The following PCDHGA5 variants were observed in gnomAD, a reference collection of about 807,000 sequenced individuals.
PCDHGA5 encodes protocadherin gamma subfamily A, 5.
PCDHGA5 carries 36 observed loss-of-function variants against 56.7 expected under a neutral mutation model. The observed-to-expected ratio is 0.64, with a 90% CI of 0.49 to 0.84. The LOEUF is 0.84. PCDHGA5 is among the 40% of genes least tolerant of loss of function. The pLI, the probability that PCDHGA5 is intolerant of heterozygous loss-of-function variation, is 0.00. For missense variants in PCDHGA5, 1,305 were observed against 1,201.5 expected (o/e 1.09, Z -1.27); for synonymous variants, 563 against 520.2 (o/e 1.08, Z -1.12).
At position 141,422,099 on chromosome 5, in the gene PCDHGA5, A is replaced by G. The variant is rs374091819; in HGVS notation, c.2421+55348A>G. ...CGGAACATGGAAAGCAAGGCTTCTG[A>G]AATATTCCAATTGGATTCACAAACT... On this transcript the variant is annotated intron_variant, in intron 1 of 3. Transcript: ENST00000518069. 1.9e-6 allele frequency: 3 copies of G among 1,609,706 alleles called. No homozygotes were observed. The African/African-American group carries it at 4.0e-5, about 22-fold the overall frequency.
Position 141,432,229 on chromosome 5 carries a change from C to T in PCDHGA5, c.2422-62578C>T, listed in dbSNP as rs1246285803. Reference sequence around the variant, plus strand: ...AAGAGAACGCCCAGATCACTTATTCCCTGGCTGAGAACACCATCCAAGGGG... The same window carrying T: ...AAGAGAACGCCCAGATCACTTATTCTCTGGCTGAGAACACCATCCAAGGGG... On this transcript the variant is annotated intron_variant, in intron 1 of 3. Coordinates refer to ENST00000518069, the MANE Select transcript of PCDHGA5 (RefSeq NM_018918.3). The surrounding 1 kb of genome is among the most constrained non-coding windows in gnomAD (Gnocchi z 6.0). The T allele has an allele frequency of 6.2e-7, 1 of 1,614,232 alleles. No homozygotes were observed.
chr5:141,419,551 C>T lies in PCDHGA5; in HGVS notation c.2421+52800C>T, dbSNP rs772468979. Reference sequence around the variant, plus strand: ...ACGACAACGCACCGCGGGTGCTGTACCCTGCGCTGGGTCCCGACGGCTCCG... The same window carrying T: ...ACGACAACGCACCGCGGGTGCTGTATCCTGCGCTGGGTCCCGACGGCTCCG... On this transcript the variant is annotated intron_variant, in intron 1 of 3. Transcript: ENST00000518069. 7 of 1,611,916 alleles carry T rather than the reference C, an allele frequency of 4.3e-6. No individual in the cohort carries two copies. The Admixed American group carries it at 1.2e-4, about 27-fold the overall frequency.
At chr5:141,438,883 C>T (rs1026043786) in intron 1 of PCDHGA5, among the ~76,000 whole-genome samples, 4 of 151,728 alleles carry the variant, frequency 2.6e-5, no homozygotes, top group Non-Finnish European at 5.9e-5. Context: ...CCAGGCTGCT[C>T]TTGAACTCCT....
intron 1 of PCDHGA5, chr5:141,433,307 C>T (rs982853368): frequency 2.2e-6 from 2 of 913,640 alleles, no homozygotes; most frequent in Admixed American, 2.7e-5. Context: ...AATTATCCCA[C>T]CTTTGCCTCC....
rs980122657 is a variant in PCDHGA5, at chr5:141,511,379, C to G, written c.*206C>G. The G allele has an allele frequency of 2.9e-5, 34 of 1,169,842 alleles. No individual in the cohort carries two copies. The highest frequency in any genetic ancestry group is 3.9e-5 in the Non-Finnish European group (33 of 853,834). The allele number at this position is 1,169,842 out of a possible 1,614,324, so 72.5% of individuals were successfully genotyped here. ...GGGGGTTGAATATGCAAAAGCAGTT[C>G]CGCTGGGAACCCCCATCCAATCAAC... On this transcript the variant is annotated 3_prime_UTR_variant, in exon 4 of 4. Transcript: ENST00000518069.
intron 2 of PCDHGA5, among the ~76,000 whole-genome samples, chr5:141,504,128 G>A (rs914138294): frequency 2.6e-5 from 4 of 151,992 alleles, no homozygotes; most frequent in African/African-American, 9.7e-5. Context: ...GCTGTTTCCC[G>A]CCAACACTCC....
At chr5:141,438,591 CATATATATATATATATATATAT>C (rs946798767) in intron 1 of PCDHGA5, among the ~76,000 whole-genome samples, 1 of 75,562 alleles carries the variant, frequency 1.3e-5, no homozygotes, top group Middle Eastern at 7.4e-3. Context: ...TACATACATA[CATATATATATATATATATATAT>C]ATATATATAT....
Position 141,489,089 on chromosome 5 carries a change from A to T in PCDHGA5, c.2422-5718A>T, listed in dbSNP as rs1214993065. The T allele has an allele frequency of 7.4e-5, 21 of 284,398 alleles. No homozygotes were observed. Among genetic ancestry groups the T allele is most frequent in the East Asian group, 1.1e-4 (2 of 17,560 alleles). The allele number at this position is 284,398 out of a possible 1,614,324, so 17.6% of individuals were successfully genotyped here. On this transcript the variant is annotated intron_variant, in intron 1 of 3. Coordinates refer to ENST00000518069, the MANE Select transcript of PCDHGA5 (RefSeq NM_018918.3). This position sits in a 1 kb window ranked among gnomAD's most constrained non-coding sequence, Gnocchi z 4.5. ...CCCTGCCCACCCCCGCCACTCGGTGACTAAGAACTGCTGCAAGCAGGCAAA... is the reference window on the plus strand; with the variant it reads ...CCCTGCCCACCCCCGCCACTCGGTGTCTAAGAACTGCTGCAAGCAGGCAAA...
At chr5:141,455,041 T>C (rs971722465) in intron 1 of PCDHGA5, among the ~76,000 whole-genome samples, 2 of 151,234 alleles carry the variant, frequency 1.3e-5, no homozygotes, top group Non-Finnish European at 2.9e-5. Flanking sequence ...CTCGATCTCC[T>C]GACCTCGTGA....
intron 1 of PCDHGA5, chr5:141,385,214 A>C: frequency 6.2e-7 from 1 of 1,614,200 alleles, no homozygotes; most frequent in Non-Finnish European, 8.5e-7. Flanking sequence ...ATCTTCCCCC[A>C]GCCCAACTAT....
chr5:141,388,708 C>A lies in PCDHGA5; in HGVS notation c.2421+21957C>A, dbSNP rs764003797. On this transcript the variant is annotated intron_variant, in intron 1 of 3. Transcript: ENST00000518069. ...ACGGACCAGGATGAGGGTGTCAATG[C>A]CGAGATTACTTTCTCTTTCAGTGAA... 1.9e-6 allele frequency: 3 copies of A among 1,613,842 alleles called. No individual in the cohort carries two copies. The highest frequency in any genetic ancestry group is 2.5e-6 in the Non-Finnish European group (3 of 1,179,882).
intron 1 of PCDHGA5, among the ~76,000 whole-genome samples, chr5:141,450,005 T>A (rs1439257597): frequency 1.0e-5 from 1 of 99,604 alleles, no homozygotes; most frequent in Non-Finnish European, 1.8e-5. Context: ...TTGCCATGTC[T>A]CTTTTTTTTT....
chr5:141,422,938 G>A (rs1226350240), intron 1 of PCDHGA5: 2 of 1,614,116 alleles, frequency 1.2e-6, no homozygotes, highest in Non-Finnish European at 1.7e-6. Flanking sequence ...CCTCCCCACA[G>A]ACGGCTCCAC....
chr5:141,506,645 A>G (rs1229614297), intron 3 of PCDHGA5, among the ~76,000 whole-genome samples: 3 of 152,188 alleles, frequency 2.0e-5, no homozygotes, highest in African/African-American at 7.2e-5. Context: ...CCCTCAGCAC[A>G]GGATTGGCAG....
intron 1 of PCDHGA5, chr5:141,371,657 G>T: frequency 6.2e-7 from 1 of 1,613,988 alleles, no homozygotes; most frequent in Non-Finnish European, 8.5e-7. Context: ...ACAATGTGAC[G>T]ATCACAGCTA....
chr5:141,409,805 C>T lies in PCDHGA5; in HGVS notation c.2421+43054C>T, dbSNP rs751397816. 8 of 1,611,512 alleles carry T rather than the reference C, an allele frequency of 5.0e-6. No individual in the cohort carries two copies. The African/African-American group carries it at 5.3e-5, about 11-fold the overall frequency. ...CGCCTTCGCGCTCACGCTGCAGGCC[C>T]GCGACCACGGCTCGCCCACGCTCAG... is the stretch of plus-strand genomic sequence containing the variant. On this transcript the variant is annotated intron_variant, in intron 1 of 3. Coordinates refer to ENST00000518069, the MANE Select transcript of PCDHGA5 (RefSeq NM_018918.3).
Position 141,414,286 on chromosome 5 carries a change from G to A in PCDHGA5, c.2421+47535G>A, listed in dbSNP as rs2095728607. ...AGATTCACCTCTGGGAACAGTCGTA[G>A]CCCTTTTAAATGTGCATGATTTAGA... On this transcript the variant is annotated intron_variant, in intron 1 of 3. Coordinates refer to ENST00000518069, the MANE Select transcript of PCDHGA5 (RefSeq NM_018918.3). 1.9e-6 allele frequency: 3 copies of A among 1,613,586 alleles called. No individual in the cohort carries two copies. The highest frequency in any genetic ancestry group is 2.5e-6 in the Non-Finnish European group (3 of 1,179,770).
chr5:141,477,432 C>T lies in PCDHGA5; in HGVS notation c.2422-17375C>T, dbSNP rs1184041591. 6.2e-7 allele frequency: 1 copy of T among 1,614,186 alleles called. No individual in the cohort carries two copies. Among genetic ancestry groups the T allele is most frequent in the Admixed American group, 1.7e-5 (1 of 60,028 alleles). ...GACGCCGGAACCCCTTCCCTCTCAG[C>T]CCTTACAATAGTGCGTGTTCAAGTG... On this transcript the variant is annotated intron_variant, in intron 1 of 3. Transcript: ENST00000518069. This position sits in a 1 kb window ranked among gnomAD's most constrained non-coding sequence, Gnocchi z 4.9.
At position 141,465,659 on chromosome 5, in the gene PCDHGA5, T is replaced by C. The variant is rs184749770; in HGVS notation, c.2422-29148T>C. Among the ~76,000 whole-genome samples the C allele has an allele frequency of 3.5e-4, 53 of 152,318 alleles. 1 individual carries two copies. Among genetic ancestry groups the C allele is most frequent in the African/African-American group, 1.2e-3 (50 of 41,576 alleles). ...TGCTTTGAACATCCCAAAAAAGCGC[T>C]TGCCATGACATTTGCTCTTGACCAG... On this transcript the variant is annotated intron_variant, in intron 1 of 3. Transcript: ENST00000518069.
Sources: gnomAD v4.1 joint callset for allele counts (sites outside exome capture counted in the v4.1 genomes callset) on GRCh38, gnomAD v4.1.1 for gene constraint, Gnocchi (gnomAD v3.1) non-coding constraint, MANE v1.5 for transcripts, NCBI Gene and HGNC (gene_info 2026-07-23, HGNC 2026-07-21) for gene names.